The following IL1RAPL2 variants were observed in gnomAD, a reference collection of about 807,000 sequenced individuals.
IL1RAPL2 encodes interleukin 1 receptor accessory protein like 2, also known as X-linked interleukin-1 receptor accessory protein-like 2.
IL1RAPL2 carries 3 observed loss-of-function variants against 44.1 expected under a neutral mutation model. That is an observed-to-expected ratio of 0.07 (90% CI 0.03 to 0.18). IL1RAPL2 has a LOEUF of 0.18. IL1RAPL2 is among the 10% of genes least tolerant of loss of function. The probability of loss-of-function intolerance (pLI) is 1.00; values close to 1 mark genes in which losing one functional copy is unlikely to be tolerated. For synonymous variants in IL1RAPL2, 181 were observed against 178.8 expected (o/e 1.01, Z -0.10); for missense variants, 391 against 496.4 (o/e 0.79, Z 2.02).
intron 2 of IL1RAPL2, among the ~76,000 whole-genome samples, chrX:104,901,036 A>T (rs1461760923): frequency 9.0e-6 from 1 of 110,933 alleles, no homozygotes; most frequent in Non-Finnish European, 1.9e-5. Flanking sequence ...AGTGAATGGG[A>T]TTCCAACCAT....
chrX:105,602,246 C>T (rs914508581), intron 6 of IL1RAPL2, among the ~76,000 whole-genome samples: 23 of 110,367 alleles, frequency 2.1e-4, no homozygotes, highest in African/African-American at 6.9e-4. Flanking sequence ...ACTGCACCTA[C>T]CACCACTGGC....
At chrX:104,668,059 A>G (rs1016767573) in intron 2 of IL1RAPL2, among the ~76,000 whole-genome samples, 2 of 111,259 alleles carry the variant, frequency 1.8e-5, no homozygotes, top group Non-Finnish European at 3.8e-5. Context: ...ATGTGGATGC[A>G]TAAAGTGCAG....
intron 2 of IL1RAPL2, among the ~76,000 whole-genome samples, chrX:104,756,765 G>T (rs1412140516): frequency 9.1e-6 from 1 of 109,907 alleles, no homozygotes; most frequent in Admixed American, 9.8e-5. Flanking sequence ...AGTTAAAGGG[G>T]CCAGGGAAGA....
At chrX:104,817,134 C>A (rs1419031508) in intron 2 of IL1RAPL2, among the ~76,000 whole-genome samples, 2 of 112,493 alleles carry the variant, frequency 1.8e-5, no homozygotes, top group Non-Finnish European at 3.7e-5. Context: ...GGAAACCCAG[C>A]AAGTCCTGTC....
At chrX:104,625,600 G>T (rs1389180882) in intron 1 of IL1RAPL2, among the ~76,000 whole-genome samples, 2 of 111,512 alleles carry the variant, frequency 1.8e-5, no homozygotes, top group African/African-American at 6.5e-5. Context: ...AGGCTCAGAA[G>T]AAAGCCATAA....
At chrX:105,028,136 C>T (rs1297106594) in intron 2 of IL1RAPL2, among the ~76,000 whole-genome samples, 1 of 110,953 alleles carries the variant, frequency 9.0e-6, no homozygotes, top group Non-Finnish European at 1.9e-5. Flanking sequence ...AACAACTGAA[C>T]TCATGGACAT....
intron 3 of IL1RAPL2, among the ~76,000 whole-genome samples, chrX:105,199,878 A>G (rs1279697904): frequency 1.8e-5 from 2 of 112,212 alleles, no homozygotes; most frequent in Non-Finnish European, 3.8e-5. Flanking sequence ...CTGTTCTAAT[A>G]GAATCAACCA....
At chrX:105,035,938 A>C (rs1488216001) in intron 2 of IL1RAPL2, among the ~76,000 whole-genome samples, 3 of 112,021 alleles carry the variant, frequency 2.7e-5, no homozygotes, top group South Asian at 3.7e-4. Context: ...CCACTGAACA[A>C]ATATTCCACA....
intron 6 of IL1RAPL2, among the ~76,000 whole-genome samples, chrX:105,670,110 T>C (rs1337997260): frequency 4.6e-5 from 1 of 21,629 alleles, no homozygotes; most frequent in East Asian, 1.4e-3. Flanking sequence ...TTCCTGTATA[T>C]ATATATATAT....
intron 4 of IL1RAPL2, among the ~76,000 whole-genome samples, chrX:105,253,354 G>A (rs1051178141): frequency 9.0e-6 from 1 of 110,744 alleles, no homozygotes; most frequent in Non-Finnish European, 1.9e-5. Flanking sequence ...CCCATCAGAG[G>A]CATTATTTTA....
intron 2 of IL1RAPL2, among the ~76,000 whole-genome samples, chrX:104,714,173 G>A (rs1214315540): frequency 9.0e-6 from 1 of 110,897 alleles, no homozygotes; most frequent in South Asian, 3.8e-4. Context: ...AGTGGTGAGA[G>A]AGGGCATCCT....
intron 2 of IL1RAPL2, among the ~76,000 whole-genome samples, chrX:105,122,965 G>C (rs2032939914): frequency 9.0e-6 from 1 of 111,322 alleles, no homozygotes; most frequent in African/African-American, 3.3e-5. Context: ...ATATTTATGA[G>C]GCTTTCCTGA....
chrX:104,940,639 C>T (rs752451622), intron 2 of IL1RAPL2, among the ~76,000 whole-genome samples: 1 of 110,434 alleles, frequency 9.1e-6, no homozygotes, highest in Admixed American at 9.6e-5. Context: ...AGTTCGTATA[C>T]TTTTCTTGGA....
chrX:104,817,399 T>A (rs1306588309), intron 2 of IL1RAPL2, among the ~76,000 whole-genome samples: 2 of 112,020 alleles, frequency 1.8e-5, no homozygotes, highest in Admixed American at 1.9e-4. Context: ...CTAGTTTCTA[T>A]GGCAAGCCTC....
intron 2 of IL1RAPL2, among the ~76,000 whole-genome samples, chrX:104,763,774 C>A (rs1932506409): frequency 9.0e-6 from 1 of 111,227 alleles, no homozygotes; most frequent in Non-Finnish European, 1.9e-5. Flanking sequence ...ATGGGGGTAA[C>A]TGCCCCCATG....
At chrX:105,050,113 A>G (rs989680936) in intron 2 of IL1RAPL2, among the ~76,000 whole-genome samples, 1 of 111,945 alleles carries the variant, frequency 8.9e-6, no homozygotes, top group Non-Finnish European at 1.9e-5. Context: ...TTCCCACAAA[A>G]TACTTGCACT....
intron 2 of IL1RAPL2, among the ~76,000 whole-genome samples, chrX:105,156,660 G>T (rs2032467457): frequency 8.9e-6 from 1 of 112,008 alleles, no homozygotes; most frequent in South Asian, 3.7e-4. Flanking sequence ...TTTTATTCAA[G>T]TGTATTATAT....
chrX:105,268,983 T>C (rs1057292920), intron 5 of IL1RAPL2, among the ~76,000 whole-genome samples: 1 of 110,874 alleles, frequency 9.0e-6, no homozygotes, highest in Non-Finnish European at 1.9e-5. Flanking sequence ...TGTGTTTGTA[T>C]GTATACACAT....
chrX:105,165,833 T>A (rs963487226), intron 2 of IL1RAPL2, among the ~76,000 whole-genome samples: 1 of 111,770 alleles, frequency 8.9e-6, no homozygotes, highest in Non-Finnish European at 1.9e-5. Context: ...TCCTCATTTT[T>A]CAAAATTTAG....
Sources: allele counts gnomAD v4.1 joint callset (sites outside exome capture counted in the v4.1 genomes callset), GRCh38; gene constraint gnomAD v4.1.1; transcripts MANE v1.5; gene names NCBI Gene and HGNC (gene_info 2026-07-23, HGNC 2026-07-21).